SNRPN: variants seen among roughly 807,000 people sequenced by gnomAD.
The protein encoded by SNRPN is small nuclear ribonucleoprotein-associated protein N.
In SNRPN, 7 loss-of-function variants were observed where a neutral mutation model predicts 25.2. The ratio of observed to expected loss-of-function variants is 0.28; its 90% CI spans 0.16 to 0.52. The LOEUF (loss-of-function observed/expected upper bound fraction) is 0.52, where lower values mean the gene tolerates loss of function less well. Ranked by LOEUF, SNRPN falls within the 20% of genes least tolerant of loss-of-function variation. The pLI, the probability that SNRPN is intolerant of heterozygous loss-of-function variation, is 0.96. For missense variants in SNRPN, 196 were observed against 322.5 expected, an observed-to-expected ratio of 0.61 and a Z score of 3.00; for synonymous variants, 124 against 110.6, an observed-to-expected ratio of 1.12 and a Z score of -0.76.
At chr15:24,900,042 TAATC>T (rs1383041754) in intron 2 of SNRPN, among the ~76,000 whole-genome samples, 3 of 152,204 alleles carry the variant, frequency 2.0e-5, no homozygotes, top group Non-Finnish European at 1.5e-5. Context: ...GTATCACAAT[TAATC>T]AAGCAATGAC....
intron 1 of SNRPN, among the ~76,000 whole-genome samples, chr15:24,869,981 C>A (rs531738731): frequency 1.4e-4 from 21 of 152,276 alleles, no homozygotes; most frequent in African/African-American, 4.8e-4. Context: ...ATTCAGTTCA[C>A]ATCTCCCTTA....
At chr15:24,890,028 T>G (rs1595725587) in intron 2 of SNRPN, among the ~76,000 whole-genome samples, 1 of 134,368 alleles carries the variant, frequency 7.4e-6, no homozygotes, top group Admixed American at 8.3e-5. Context: ...CCAGCCTAGG[T>G]GAGATTGAAA....
At chr15:24,923,053 C>G (rs982384697) in intron 3 of SNRPN, among the ~76,000 whole-genome samples, 2 of 151,996 alleles carry the variant, frequency 1.3e-5, no homozygotes, top group Admixed American at 6.6e-5. Flanking sequence ...CTACAGGCAC[C>G]TGCCACCACA....
Position 24,929,355 on chromosome 15 carries a change from C to G in SNRPN, c.-391+9231C>G, listed in dbSNP as rs1034589339. ...CTTTCCCTACTCTCCCCCTTGCCTCCTAGGGTCCCCTTTCCTCTCATCAGT... is the reference window on the plus strand; with the variant it reads ...CTTTCCCTACTCTCCCCCTTGCCTCGTAGGGTCCCCTTTCCTCTCATCAGT... On this transcript the variant is annotated intron_variant, in intron 3 of 11. Transcript: ENST00000400097. The surrounding 1 kb of genome is among the most constrained non-coding windows in gnomAD (Gnocchi z 5.3). Among the ~76,000 whole-genome samples the G allele has an allele frequency of 2.0e-5, 3 of 152,050 alleles. No individual in the cohort carries two copies. The highest frequency in any genetic ancestry group is 4.4e-5 in the Non-Finnish European group (3 of 67,962).
At chr15:24,938,179 G>C (rs1286254925) in intron 3 of SNRPN, among the ~76,000 whole-genome samples, 2 of 149,310 alleles carry the variant, frequency 1.3e-5, no homozygotes, top group African/African-American at 4.9e-5. Context: ...GCCACGCCAT[G>C]ATCTCGGCTC....
intron 1 of SNRPN, among the ~76,000 whole-genome samples, chr15:24,869,785 T>C (rs1018904011): frequency 2.0e-5 from 3 of 152,190 alleles, no homozygotes; most frequent in South Asian, 2.1e-4. Context: ...CCTGTTTCAC[T>C]TTTTGAAAAT....
chr15:24,835,133 GAT>G (rs1267096682), intron 2 of SNRPN, among the ~76,000 whole-genome samples: 2 of 60,642 alleles, frequency 3.3e-5, no homozygotes, highest in African/African-American at 9.5e-5. Context: ...AAAATATATA[GAT>G]ATATATACTA....
chr15:24,933,258 T>C (rs1164751315), intron 3 of SNRPN, among the ~76,000 whole-genome samples: 1 of 151,518 alleles, frequency 6.6e-6, no homozygotes. Context: ...AGACCCTGTC[T>C]CAAAAAAACA....
intron 2 of SNRPN, among the ~76,000 whole-genome samples, chr15:24,908,052 C>CAAAAAAAAAAAAAAA (rs71127014): frequency 5.7e-5 from 4 of 70,706 alleles, no homozygotes; most frequent in Non-Finnish European, 1.0e-4. Context: ...GACTCCATCT[C>CAAAAAAAAAAAAAAA]AAAAAAAAAA....
intron 1 of SNRPN, among the ~76,000 whole-genome samples, chr15:24,864,161 G>A (rs1321152273): frequency 6.8e-6 from 1 of 147,502 alleles, no homozygotes; most frequent in Admixed American, 6.7e-5. Context: ...CAAGTAGCTG[G>A]GACTACAGGC....
In SNRPN at chr15:24,976,240, T is replaced by C. The variant is rs2077045875; in HGVS notation, c.156-65T>C. 4.9e-6 allele frequency: 6 copies of C among 1,226,448 alleles called. No individual in the cohort carries two copies. In the African/African-American group the frequency reaches 5.9e-5, roughly 12 times the overall value. 76.0% of individuals were successfully genotyped at this position (1,226,448 alleles called of 1,614,324 possible). On this transcript the variant is annotated intron_variant, in intron 5 of 9. Coordinates refer to ENST00000390687, the MANE Select transcript of SNRPN (RefSeq NM_003097.6). ...GTCTTAATTGATACTTGAGGTTGTATAAATATTTTGATGAGTGAGTGATCA... is the reference window on the plus strand; with the variant it reads ...GTCTTAATTGATACTTGAGGTTGTACAAATATTTTGATGAGTGAGTGATCA...
chr15:24,842,158 T>G (rs1483898622), intron 2 of SNRPN, among the ~76,000 whole-genome samples: 1 of 152,134 alleles, frequency 6.6e-6, no homozygotes, highest in Non-Finnish European at 1.5e-5. Flanking sequence ...AAAGCCATGT[T>G]TCTCTGACCG....
intron 3 of SNRPN, among the ~76,000 whole-genome samples, chr15:24,948,850 T>C (rs1270826706): frequency 2.6e-5 from 4 of 151,924 alleles, no homozygotes; most frequent in Non-Finnish European, 5.9e-5. Flanking sequence ...AACCATCCTA[T>C]GGTTGGAAAA....
At chr15:24,950,564 T>C (rs1370079810), upstream of SNRPN, among the ~76,000 whole-genome samples, 3 of 149,536 alleles carry the variant, frequency 2.0e-5, no homozygotes, top group Non-Finnish European at 4.5e-5. Context: ...TTTTTTTTTT[T>C]TTGGTGACAG....
In SNRPN at chr15:24,889,469, A is replaced by AT. The variant is rs925356420; in HGVS notation, c.-505+2889dup. The stretch of plus-strand genomic sequence containing the variant: ...AGGCGCCTGCCACCACGCCCAGCTA[A>AT]TTTTTTTTTGTATTTTTAGTAGAGA... On this transcript the variant is annotated intron_variant, in intron 2 of 11. Coordinates refer to the SNRPN transcript ENST00000400097. Among the ~76,000 whole-genome samples, 25 of 149,114 alleles carry AT rather than the reference A, an allele frequency of 1.7e-4. No individual in the cohort carries two copies. The East Asian group carries it at 2.5e-3, about 15-fold the overall frequency.
Position 24,918,358 on chromosome 15 carries a change from AT to A in SNRPN, c.-504-1652del, listed in dbSNP as rs1420010338. Among the ~76,000 whole-genome samples the A allele has an allele frequency of 1.8e-3, 214 of 120,876 alleles. 2 individuals are homozygous for A. Among genetic ancestry groups the A allele is most frequent in the African/African-American group, 6.6e-3 (205 of 31,034 alleles). 79.3% of individuals were successfully genotyped at this position (120,876 alleles called of 152,430 possible). A position where few individuals can be genotyped will look rare whatever the true frequency, so the allele number is the denominator to read the frequency against. On this transcript the variant is annotated intron_variant, in intron 2 of 11. Transcript: ENST00000400097. ...TATATGTGTATATATATATAACATT[AT>A]ATATATGTGTATATATATAACATAA...
intron 5 of SNRPN, 83 bp from the exon 6 acceptor site, chr15:24,976,222 T>C (rs2077044425): frequency 9.5e-7 from 1 of 1,051,126 alleles, no homozygotes; most frequent in African/African-American, 1.6e-5. Context: ...GTTGTCTTAA[T>C]TGATACTTGA....
At chr15:24,974,798 A>C in intron 4 of SNRPN, 1 of 638,920 alleles carries the variant, frequency 1.6e-6, no homozygotes, top group East Asian at 2.7e-5. Flanking sequence ...ACCTCTGGTG[A>C]TCCACCCACC....
intron 1 of SNRPN, among the ~76,000 whole-genome samples, chr15:24,876,136 T>C (rs2055847240): frequency 6.6e-6 from 1 of 152,168 alleles, no homozygotes; most frequent in African/African-American, 2.4e-5. Context: ...CTAACACTTA[T>C]GCAGGTTCAA....
Sources: allele counts gnomAD v4.1 joint callset (sites outside exome capture counted in the v4.1 genomes callset), GRCh38; gene constraint gnomAD v4.1.1; non-coding constraint Gnocchi (gnomAD v3.1); transcripts MANE v1.5; gene names NCBI Gene and HGNC (gene_info 2026-07-23, HGNC 2026-07-21).